The following ECPAS variants were observed in gnomAD, a reference collection of about 807,000 sequenced individuals.
ECPAS encodes Ecm29 proteasome adaptor and scaffold.
In ECPAS, 70 loss-of-function variants were observed where a neutral mutation model predicts 255.1. That is an observed-to-expected ratio of 0.27 (90% CI 0.23 to 0.33). ECPAS has a LOEUF of 0.33. Ranked by LOEUF, ECPAS falls within the 10% of genes least tolerant of loss-of-function variation. The pLI is 1.00. For missense variants in ECPAS, 1,817 were observed against 2,206.4 expected (o/e 0.82, Z 3.54); for synonymous variants, 784 against 775.0 (o/e 1.01, Z -0.19).
chr9:111,468,705 T>TGTGTGTGTGTGTGTG (rs1554803199), intron 2 of ECPAS, among the ~76,000 whole-genome samples: 1 of 151,984 alleles, frequency 6.6e-6, no homozygotes, highest in Non-Finnish European at 1.5e-5. Flanking sequence ...TGTGTGTGTG[T>TGTGTGTGTGTGTGTG]TTCACGTCCA....
intron 46 of ECPAS, among the ~76,000 whole-genome samples, 200 bp from the exon 47 acceptor site, chr9:111,366,827 C>T (rs1275863025): frequency 6.6e-6 from 1 of 152,166 alleles, no homozygotes; most frequent in Non-Finnish European, 1.5e-5. Flanking sequence ...ATTGAAATTT[C>T]CCCAAAAACT....
Position 111,412,117 on chromosome 9 carries a change from C to T in ECPAS, c.2111G>A (p.Arg704His). 2 of 1,589,610 alleles carry T rather than the reference C, an allele frequency of 1.3e-6. No individual in the cohort carries two copies. The highest frequency in any genetic ancestry group is 1.7e-6 in the Non-Finnish European group (2 of 1,173,132). The change falls in exon 21 of 50, where the codon CGC (arginine) becomes CAC (histidine). Residue 704 changes from arginine (R) to histidine (H), a missense_variant. Arg to His is a conservative substitution (Grantham distance 29, BLOSUM62 0). This residue lies in a region of ECPAS where 573 missense variants were observed against 716.2 expected (regional missense o/e 0.80). Coordinates refer to ENST00000684092, the MANE Select transcript of ECPAS (RefSeq NM_001364929.1). ...SLMNNSKEEM[R>H]ELAALFYSVV... ...AGAATAAAACAACGCTGCCAGTTCG[C>T]GCATTTCTTCTTTACTGTTATTCAT...
intron 5 of ECPAS, among the ~76,000 whole-genome samples, chr9:111,441,929 A>T (rs938983914): frequency 6.6e-6 from 1 of 152,222 alleles, no homozygotes; most frequent in African/African-American, 2.4e-5. Context: ...AAATAATACA[A>T]ACGAGTGCTC....
intron 1 of ECPAS, among the ~76,000 whole-genome samples, chr9:111,476,934 CT>C (rs1489673183): frequency 6.6e-6 from 1 of 152,062 alleles, no homozygotes; most frequent in African/African-American, 2.4e-5. Context: ...TCCCAAGTAG[CT>C]GGGATTACAG....
chr9:111,465,051 T>C (rs2098277784), intron 2 of ECPAS, among the ~76,000 whole-genome samples: 1 of 151,478 alleles, frequency 6.6e-6, no homozygotes, highest in Non-Finnish European at 1.5e-5. Flanking sequence ...GGCAGGAGAA[T>C]AGCTTAAGCC....
intron 2 of ECPAS, among the ~76,000 whole-genome samples, chr9:111,455,487 AAAAG>A (rs763092268): frequency 7.9e-5 from 12 of 152,158 alleles, no homozygotes; most frequent in East Asian, 3.9e-4. Flanking sequence ...CTGTCTCAGA[AAAAG>A]AAAGAAAGAA....
chr9:111,393,412 G>A (rs762797847), intron 27 of ECPAS, among the ~76,000 whole-genome samples: 6 of 152,090 alleles, frequency 3.9e-5, no homozygotes, highest in East Asian at 1.9e-4. Flanking sequence ...AGAAGGCCTC[G>A]GCTCCATTTT....
In ECPAS at chr9:111,361,269, G is replaced by A. The variant is rs890281726; in HGVS notation, c.*761C>T. ...TTGTCCTAATCTACTTTATCCACCT[G>A]TAAAAGGAAGACGATTGGAATTATC... On this transcript the variant is annotated 3_prime_UTR_variant, in exon 50 of 50. Coordinates refer to ENST00000684092, the MANE Select transcript of ECPAS (RefSeq NM_001364929.1). 2.6e-5 allele frequency: 4 copies of A among 152,188 alleles called. No individual in the cohort carries two copies. The highest frequency in any genetic ancestry group is 5.9e-5 in the Non-Finnish European group (4 of 68,032). The allele number at this position is 152,188 out of a possible 1,614,324, so 9.4% of individuals were successfully genotyped here. A position where few individuals can be genotyped will look rare whatever the true frequency, so the allele number is the denominator to read the frequency against.
Position 111,360,992 on chromosome 9 carries a change from C to G in ECPAS, c.*1038G>C, listed in dbSNP as rs1440232859. ...GGCAACAGAAGGAAGGAGGAAAACC[C>G]CTAGTGGCAATGATTTACTTGGAGT... On this transcript the variant is annotated 3_prime_UTR_variant, in exon 50 of 50. Coordinates refer to ENST00000684092, the MANE Select transcript of ECPAS (RefSeq NM_001364929.1). The G allele has an allele frequency of 6.6e-6, 1 of 152,136 alleles. No individual in the cohort carries two copies. The highest frequency in any genetic ancestry group is 1.5e-5 in the Non-Finnish European group (1 of 68,028). The allele number at this position is 152,136 out of a possible 1,614,324, so 9.4% of individuals were successfully genotyped here.
chr9:111,362,249 ACAAG>A lies in ECPAS; in HGVS notation c.5381-84_5381-81del. The A allele has an allele frequency of 2.4e-6, 3 of 1,249,090 alleles. No homozygotes were observed. In the South Asian group the frequency reaches 4.5e-5, roughly 19 times the overall value. The allele number at this position is 1,249,090 out of a possible 1,614,324, so 77.4% of individuals were successfully genotyped here. ...AAAAACCCCAAAGAATCCTTATAGAACAAGCAAGAAAAAAATTTAAAAATATCCT... is the reference window on the plus strand; with the variant it reads ...AAAAACCCCAAAGAATCCTTATAGAACAAGAAAAAAATTTAAAAATATCCT... On this transcript the variant is annotated intron_variant, in intron 49 of 49. Transcript: ENST00000684092.
chr9:111,465,618 T>G (rs1012428512), intron 2 of ECPAS, among the ~76,000 whole-genome samples: 1 of 148,096 alleles, frequency 6.8e-6, no homozygotes, highest in Admixed American at 6.7e-5. Flanking sequence ...TATATATATA[T>G]TCCATGATAA....
chr9:111,386,070 TCTC>T (rs1354766215), intron 32 of ECPAS, among the ~76,000 whole-genome samples: 2 of 152,170 alleles, frequency 1.3e-5, no homozygotes, highest in Non-Finnish European at 2.9e-5. Flanking sequence ...TTCAAGCGAT[TCTC>T]CTGCCTCAGC....
chr9:111,479,980 C>CAA (rs55754008), intron 1 of ECPAS, among the ~76,000 whole-genome samples: 1,359 of 79,416 alleles, frequency 0.017, 16 homozygotes, highest in African/African-American at 0.046. Flanking sequence ...AACTCCGTCT[C>CAA]AAAAAAAAAA....
chr9:111,428,281 C>A, intron 9 of ECPAS, 120 bp from the exon 10 acceptor site: 1 of 841,466 alleles, frequency 1.2e-6, no homozygotes, highest in Non-Finnish European at 1.8e-6. Flanking sequence ...CCTTTACACT[C>A]TTAAAAATTA....
chr9:111,393,348 G>A (rs376369762), intron 27 of ECPAS, among the ~76,000 whole-genome samples: 1 of 152,176 alleles, frequency 6.6e-6, no homozygotes, highest in East Asian at 1.9e-4. Context: ...TTAAATCAGA[G>A]AGGAAAAGTA....
At chr9:111,434,123 G>C (rs1001296874) in intron 7 of ECPAS, among the ~76,000 whole-genome samples, 1 of 151,926 alleles carries the variant, frequency 6.6e-6, no homozygotes, top group African/African-American at 2.4e-5. Context: ...ACATATACTA[G>C]GATTAATAAA....
intron 35 of ECPAS, among the ~76,000 whole-genome samples, chr9:111,380,073 C>T (rs777129031): frequency 6.6e-6 from 1 of 152,200 alleles, no homozygotes; most frequent in Non-Finnish European, 1.5e-5. Context: ...ATTTACTTTG[C>T]CCAGATCCAT....
rs567159777 is a variant in ECPAS, at chr9:111,412,170, C to T, written c.2080-22G>A. The T allele has an allele frequency of 2.7e-5, 40 of 1,500,764 alleles. No individual in the cohort carries two copies. In the African/African-American group the frequency reaches 6.0e-4, roughly 23 times the overall value. The allele number at this position is 1,500,764 out of a possible 1,614,324, so 93.0% of individuals were successfully genotyped here. The stretch of plus-strand genomic sequence containing the variant: ...GACTCTGAGCAGTATAAAAAAAAAA[C>T]AAATATATACATGACACAGAACCAC... On this transcript the variant is annotated intron_variant, in intron 20 of 49. Coordinates refer to ENST00000684092, the MANE Select transcript of ECPAS (RefSeq NM_001364929.1).
chr9:111,390,482 C>G (rs186020154), intron 29 of ECPAS, among the ~76,000 whole-genome samples: 16 of 152,300 alleles, frequency 1.1e-4, no homozygotes, highest in African/African-American at 3.8e-4. Context: ...TAAGCTAGAC[C>G]ACCCTAATTC....
Sources: allele counts gnomAD v4.1 joint callset (sites outside exome capture counted in the v4.1 genomes callset), GRCh38; gene constraint gnomAD v4.1.1; regional missense constraint gnomAD v4.1.1; transcripts MANE v1.5; gene names NCBI Gene and HGNC (gene_info 2026-07-23, HGNC 2026-07-21).